The following ZNF680 variants were observed in gnomAD, a reference collection of about 807,000 sequenced individuals.
ZNF680 encodes hypothetical protein FLJ90430.
Under a neutral mutation model 12.1 loss-of-function variants are expected in ZNF680, and 6 were observed. That is an observed-to-expected ratio of 0.49 (90% confidence interval 0.27 to 0.98). The LOEUF is 0.98. Among genes scored for constraint, ZNF680 ranks in the 50% least tolerant of loss-of-function variants. The probability of loss-of-function intolerance (pLI) is 0.12; values close to 1 mark genes in which losing one functional copy is unlikely to be tolerated. For missense variants in ZNF680, 561 were observed against 616.3 expected (o/e 0.91, Z 0.95); for synonymous variants, 170 against 199.3 (o/e 0.85, Z 1.24).
chr7:64,559,827 GA>G (rs1787632300), intron 1 of ZNF680, among the ~76,000 whole-genome samples: 1 of 152,072 alleles, frequency 6.6e-6, no homozygotes, highest in Admixed American at 6.6e-5. Flanking sequence ...ATCTCAATAA[GA>G]AAAGCAAAAG....
At chr7:64,504,069 A>G in the ZNF680 span, among the ~76,000 whole-genome samples, 3 of 152,226 alleles carry the variant, frequency 2.0e-5, no homozygotes, top group Non-Finnish European at 4.4e-5. Flanking sequence ...GCAGAAAAAT[A>G]TTATTTTAAA....
chr7:64,558,455 G>A (rs539451261), intron 1 of ZNF680, among the ~76,000 whole-genome samples: 2 of 152,112 alleles, frequency 1.3e-5, no homozygotes, highest in Non-Finnish European at 2.9e-5. Context: ...CTCACCCTGG[G>A]AGGAGATTAT....
chr7:64,500,941 G>A, the ZNF680 span: 8 of 641,328 alleles, frequency 1.2e-5, no homozygotes, highest in Non-Finnish European at 2.1e-5. Context: ...TCTTTTCGAT[G>A]TGCAGCAAAA....
chr7:64,499,361 C>T, the ZNF680 span, among the ~76,000 whole-genome samples: 1 of 143,254 alleles, frequency 7.0e-6, no homozygotes, highest in Admixed American at 7.0e-5. Context: ...CAGACAAACA[C>T]TGCCACTTTA....
chr7:64,555,705 A>T (rs1349586954), intron 1 of ZNF680, among the ~76,000 whole-genome samples: 1 of 141,594 alleles, frequency 7.1e-6, no homozygotes, highest in African/African-American at 2.7e-5. Flanking sequence ...AGACCAAAAA[A>T]TCCAGGAATT....
intron 1 of ZNF680, among the ~76,000 whole-genome samples, chr7:64,552,299 C>T (rs916912033): frequency 6.6e-6 from 1 of 152,182 alleles, no homozygotes; most frequent in African/African-American, 2.4e-5. Flanking sequence ...GTGATCCACC[C>T]GCGTTGGCCT....
chr7:64,542,481 C>T (rs6967116), intron 3 of ZNF680, among the ~76,000 whole-genome samples: 46,066 of 151,958 alleles, frequency 0.3, 7,256 homozygotes, highest in East Asian at 0.45. Context: ...ATAAACAGTA[C>T]ACTAAAACCT....
At chr7:64,501,853 T>C in the ZNF680 span, 8 of 538,962 alleles carry the variant, frequency 1.5e-5, no homozygotes, top group African/African-American at 9.5e-5. Context: ...TCCTTGTCTT[T>C]CCCATGTTAA....
At chr7:64,500,938 G>A in the ZNF680 span, 11 of 634,470 alleles carry the variant, frequency 1.7e-5, no homozygotes, top group Non-Finnish European at 3.0e-5. Flanking sequence ...CAATCTTTTC[G>A]ATGTGCAGCA....
intron 1 of ZNF680, among the ~76,000 whole-genome samples, chr7:64,545,711 T>C (rs569399370): frequency 6.6e-6 from 1 of 152,354 alleles, no homozygotes; most frequent in East Asian, 1.9e-4. Flanking sequence ...TTCAGCACCC[T>C]AGAAAGCAGG....
chr7:64,522,104 T>C lies in ZNF680; in HGVS notation c.650A>G (p.Lys217Arg), dbSNP rs766434102. Residue 217 changes from lysine (K) to arginine (R), a missense_variant, in exon 4 of 4, where the codon AAA becomes AGA. Coordinates refer to ENST00000309683, the MANE Select transcript of ZNF680 (RefSeq NM_178558.5). ...AAGCTCTGAGAACCAGTTAAGAACT[T>C]TGCCACATTCCTCACATTTGTAAGA... ...ENSYKCEECG[K>R]VLNWFSELIK... The C allele has an allele frequency of 4.3e-6, 7 of 1,611,682 alleles. No homozygotes were observed. The South Asian group carries it at 4.4e-5, about 10-fold the overall frequency.
the ZNF680 span, among the ~76,000 whole-genome samples, chr7:64,499,573 T>G: frequency 1.3e-5 from 2 of 152,106 alleles, no homozygotes; most frequent in African/African-American, 2.4e-5. Flanking sequence ...CTGGCCATCA[T>G]AGCGAAACCC....
intron 3 of ZNF680, chr7:64,526,373 T>C: frequency 7.5e-7 from 1 of 1,339,226 alleles, no homozygotes; most frequent in Non-Finnish European, 9.6e-7. Context: ...TGATTCATTA[T>C]GACTAGCACA....
intron 1 of ZNF680, among the ~76,000 whole-genome samples, chr7:64,562,668 G>T (rs1021467539): frequency 2.0e-5 from 3 of 152,262 alleles, no homozygotes; most frequent in Admixed American, 2.0e-4. Flanking sequence ...GGCACTGCGG[G>T]TGCAGAGCTG....
chr7:64,510,231 A>G, the ZNF680 span, among the ~76,000 whole-genome samples: 1 of 11,154 alleles, frequency 9.0e-5, no homozygotes, highest in Non-Finnish European at 1.5e-4. Flanking sequence ...TACGTAATAA[A>G]AAAAAAAAAA....
Position 64,521,534 on chromosome 7 carries a change from T to C in ZNF680, c.1220A>G (p.Lys407Arg), listed in dbSNP as rs774470086. The C allele has an allele frequency of 2.5e-6, 4 of 1,613,208 alleles. No individual in the cohort carries two copies. In the Admixed American group the frequency reaches 5.0e-5, roughly 20 times the overall value. The change falls in exon 4 of 4, where the codon AAA becomes AGA. Residue 407 changes from lysine (K) to arginine (R), a missense_variant. Coordinates refer to ENST00000309683, the MANE Select transcript of ZNF680 (RefSeq NM_178558.5). ...AAAAGCTTTGCCACATTCTTCACAT[T>C]TGTAGGGTTTCTCTCCAGTATGAAT... ...MRIHTGEKPY[K>R]CEECGKAFNG...
At chr7:64,554,899 CAT>C (rs944034650) in intron 1 of ZNF680, among the ~76,000 whole-genome samples, 26 of 152,076 alleles carry the variant, frequency 1.7e-4, no homozygotes, top group African/African-American at 6.0e-4. Context: ...CCTTTGTTCA[CAT>C]GTTTATCTGC....
the ZNF680 span, among the ~76,000 whole-genome samples, chr7:64,509,325 C>T: frequency 6.6e-6 from 1 of 152,096 alleles, no homozygotes; most frequent in Admixed American, 6.6e-5. Context: ...TAATCAGGCC[C>T]CACATCCTAT....
At chr7:64,510,017 A>C in the ZNF680 span, among the ~76,000 whole-genome samples, 1 of 137,726 alleles carries the variant, frequency 7.3e-6, no homozygotes, top group African/African-American at 2.6e-5. Context: ...TTTAACCGTA[A>C]AACTCTAAAA....
Sources: gnomAD v4.1 joint callset for allele counts (sites outside exome capture counted in the v4.1 genomes callset) on GRCh38, gnomAD v4.1.1 for gene constraint, MANE v1.5 for transcripts, NCBI Gene and HGNC (gene_info 2026-07-23, HGNC 2026-07-21) for gene names.